Variants in NFIC observed in about 807,000 individuals in gnomAD.
NFIC encodes nuclear factor 1 C-type.
Under a neutral mutation model 54.4 loss-of-function variants are expected in NFIC, and 12 were observed. That is an observed-to-expected ratio of 0.22 (90% CI 0.14 to 0.36). The LOEUF (loss-of-function observed/expected upper bound fraction) is 0.36. NFIC is among the 10% of genes least tolerant of loss of function. NFIC has a pLI of 1.00. For synonymous variants in NFIC, 322 were observed against 319.2 expected (o/e 1.01, Z -0.09); for missense variants, 575 against 718.2 (o/e 0.80, Z 2.28).
intron 1 of NFIC, among the ~76,000 whole-genome samples, chr19:3,380,103 C>T (rs2145467981): frequency 6.6e-6 from 1 of 151,580 alleles, no homozygotes; most frequent in South Asian, 2.1e-4. Flanking sequence ...CGGGTTCATG[C>T]CAATCTCCTG....
chr19:3,429,466 C>T (rs561070544), intron 3 of NFIC, among the ~76,000 whole-genome samples: 19 of 152,188 alleles, frequency 1.2e-4, no homozygotes, highest in African/African-American at 2.6e-4. Context: ...TGATGCGTGC[C>T]TGTAGTCCCA....
chr19:3,391,373 G>A (rs1031119964), intron 2 of NFIC, among the ~76,000 whole-genome samples: 9 of 152,118 alleles, frequency 5.9e-5, no homozygotes, highest in African/African-American at 1.9e-4. Context: ...ATCTATGGCC[G>A]GCTGTGGTGG....
intron 1 of NFIC, among the ~76,000 whole-genome samples, chr19:3,374,784 T>C (rs2081076803): frequency 6.6e-6 from 1 of 152,100 alleles, no homozygotes; most frequent in Admixed American, 6.6e-5. Flanking sequence ...AGGCCCTGGT[T>C]ATTGCAGGTC....
intron 1 of NFIC, 87 bp downstream of exon 1, chr19:3,366,753 A>T: frequency 2.1e-6 from 2 of 957,198 alleles, no homozygotes; most frequent in Non-Finnish European, 2.8e-6. Context: ...AGGCGGGACG[A>T]AAAAGGCGCG....
chr19:3,374,299 A>G (rs896546874), intron 1 of NFIC, among the ~76,000 whole-genome samples: 1 of 152,116 alleles, frequency 6.6e-6, no homozygotes, highest in Non-Finnish European at 1.5e-5. Context: ...TTTGGCCAGG[A>G]AGTCCCAGTG....
At position 3,456,732 on chromosome 19, in the gene NFIC, C is replaced by T. The variant is rs142734746; in HGVS notation, c.1509+97C>T. 397 of 1,204,332 alleles carry T rather than the reference C, an allele frequency of 3.3e-4. 4 individuals carry two copies. In the African/African-American group the frequency reaches 5.2e-3, roughly 16 times the overall value. The allele number at this position is 1,204,332 out of a possible 1,614,324, so 74.6% of individuals were successfully genotyped here. ...GAAGAGGGCCTGCTGGGTCCCACGC[C>T]ACACCCCTGGCACAGGGGCGCCAGC... On this transcript the variant is annotated intron_variant, in intron 10 of 10. Coordinates refer to ENST00000443272, the MANE Select transcript of NFIC (RefSeq NM_001245002.2).
intron 1 of NFIC, among the ~76,000 whole-genome samples, chr19:3,376,145 G>A (rs759253602): frequency 2.6e-5 from 4 of 152,032 alleles, no homozygotes; most frequent in Non-Finnish European, 4.4e-5. Context: ...AATGATCATC[G>A]CAGCAATCGC....
At chr19:3,393,557 G>A (rs529233128) in intron 2 of NFIC, among the ~76,000 whole-genome samples, 65 of 151,846 alleles carry the variant, frequency 4.3e-4, no homozygotes, top group Non-Finnish European at 5.2e-4. Flanking sequence ...GCTCACACCT[G>A]TAATCCCAGC....
rs1326944937 is a variant in NFIC at position 3,366,787 on chromosome 19, G to A, written c.30+121G>A. On this transcript the variant is annotated intron_variant, in intron 1 of 10. Coordinates refer to ENST00000443272, the MANE Select transcript of NFIC (RefSeq NM_001245002.2). ...CGCGTCCCTCCCGCCATCCCTGCCCGGGATGCCCCCCGCGCCGAGGGCTGG... is the reference window on the plus strand; with the variant it reads ...CGCGTCCCTCCCGCCATCCCTGCCCAGGATGCCCCCCGCGCCGAGGGCTGG... 17 of 668,510 alleles carry A rather than the reference G, an allele frequency of 2.5e-5. No homozygotes were observed. In the East Asian group the frequency reaches 4.5e-4, roughly 18 times the overall value. The allele number at this position is 668,510 out of a possible 1,614,324, so 41.4% of individuals were successfully genotyped here.
At chr19:3,442,773 C>T (rs1421188496) in intron 6 of NFIC, among the ~76,000 whole-genome samples, 1 of 152,068 alleles carries the variant, frequency 6.6e-6, no homozygotes, top group Non-Finnish European at 1.5e-5. Context: ...TCCACCTCCA[C>T]CCCCCCTTGG....
In NFIC at chr19:3,452,439, G is replaced by A. The variant is rs1027146196; in HGVS notation, c.1085-43G>A. On this transcript the variant is annotated intron_variant, in intron 7 of 10. Transcript: ENST00000443272. This position sits in a 1 kb window ranked among gnomAD's most constrained non-coding sequence, Gnocchi z 5.3. ...AGTCACACGGTCACAGAGCAGACCG[G>A]CTGGAGCCCCCAAGTAACCCCCGCT... 2 of 1,602,844 alleles carry A rather than the reference G, an allele frequency of 1.2e-6. No homozygotes were observed. Among genetic ancestry groups the A allele is most frequent in the African/African-American group, 2.7e-5 (2 of 74,782 alleles).
intron 2 of NFIC, among the ~76,000 whole-genome samples, chr19:3,397,611 T>G (rs1432263851): frequency 6.6e-6 from 1 of 152,156 alleles, no homozygotes; most frequent in Non-Finnish European, 1.5e-5. Flanking sequence ...CACCTCGCTC[T>G]CTCTCCCGGC....
intron 1 of NFIC, among the ~76,000 whole-genome samples, chr19:3,360,304 G>A (rs1334714108): frequency 6.8e-6 from 1 of 146,524 alleles, no homozygotes; most frequent in African/African-American, 2.5e-5. Flanking sequence ...CGCCCCGCCT[G>A]CCCTCGCACC....
At chr19:3,456,663 G>A in intron 10 of NFIC, 28 bp downstream of exon 10, 2 of 1,482,286 alleles carry the variant, frequency 1.3e-6, no homozygotes, top group Non-Finnish European at 9.2e-7. Flanking sequence ...GGCTGGTGGG[G>A]TGGGAGGGGC....
chr19:3,463,945 C>T lies in NFIC; in HGVS notation c.*1176C>T. On this transcript the variant is annotated 3_prime_UTR_variant, in exon 11 of 11. Transcript: ENST00000443272. ...CTCTCCACCAGCCCCTCCAGTCAAC[C>T]CTCATCGCCGTGCCCCCCCAGAGCT... 1 of 984,890 alleles carries T rather than the reference C, an allele frequency of 1.0e-6. No homozygotes were observed. Among genetic ancestry groups the T allele is most frequent in the Non-Finnish European group, 1.2e-6 (1 of 829,600 alleles). The allele number at this position is 984,890 out of a possible 1,614,324, so 61.0% of individuals were successfully genotyped here.
intron 10 of NFIC, 25 bp downstream of exon 10, chr19:3,456,660 G>C: frequency 6.7e-7 from 1 of 1,487,232 alleles, no homozygotes; most frequent in Non-Finnish European, 9.2e-7. Flanking sequence ...GCCGGCTGGT[G>C]GGGTGGGAGG....
intron 6 of NFIC, 121 bp downstream of exon 6, chr19:3,435,328 G>C: frequency 7.4e-7 from 1 of 1,355,546 alleles, no homozygotes; most frequent in South Asian, 1.5e-5. Context: ...GAGCCGCGGG[G>C]CCTCCTGGGA....
intron 1 of NFIC, among the ~76,000 whole-genome samples, chr19:3,380,714 A>C (rs576332779): frequency 4.3e-4 from 63 of 146,438 alleles, no homozygotes; most frequent in African/African-American, 1.5e-3. Context: ...TCACTGCAGC[A>C]TTAAACTCCT....
intron 1 of NFIC, among the ~76,000 whole-genome samples, chr19:3,368,829 T>C (rs991073744): frequency 6.6e-6 from 1 of 152,162 alleles, no homozygotes; most frequent in Non-Finnish European, 1.5e-5. Context: ...CTGACTCAGT[T>C]TCCCGAATCA....
Sources: gnomAD v4.1 joint callset for allele counts (sites outside exome capture counted in the v4.1 genomes callset) on GRCh38, gnomAD v4.1.1 for gene constraint, Gnocchi (gnomAD v3.1) non-coding constraint, MANE v1.5 for transcripts, NCBI Gene and HGNC (gene_info 2026-07-23, HGNC 2026-07-21) for gene names.